The following ST3GAL3 variants were observed in gnomAD, a reference collection of about 807,000 sequenced individuals.
ST3GAL3 encodes the protein CMP-N-acetylneuraminate-beta-1,4-galactoside alpha-2,3-sialyltransferase.
In ST3GAL3, 21 loss-of-function variants were observed where a neutral mutation model predicts 50.1. The ratio of observed to expected loss-of-function variants is 0.42; its 90% CI spans 0.30 to 0.60. The LOEUF (loss-of-function observed/expected upper bound fraction) is 0.60, where lower values mean the gene tolerates loss of function less well. Ranked by LOEUF, ST3GAL3 falls within the 20% of genes least tolerant of loss-of-function variation. The pLI, the probability that ST3GAL3 is intolerant of heterozygous loss-of-function variation, is 0.19. For missense variants in ST3GAL3, 353 were observed against 489.4 expected (o/e 0.72, Z 2.63); for synonymous variants, 183 against 190.0 (o/e 0.96, Z 0.30).
chr1:43,764,261 T>C (rs1691674671), intron 2 of ST3GAL3, among the ~76,000 whole-genome samples: 1 of 152,208 alleles, frequency 6.6e-6, no homozygotes, highest in Non-Finnish European at 1.5e-5. Flanking sequence ...GTCTGTGGTA[T>C]TTCTTACTTT....
At chr1:43,820,249 A>G (rs1257345864) in intron 4 of ST3GAL3, among the ~76,000 whole-genome samples, 1 of 152,216 alleles carries the variant, frequency 6.6e-6, no homozygotes, top group Non-Finnish European at 1.5e-5. Flanking sequence ...ATAACTGGCT[A>G]ACCATATGCA....
chr1:43,866,800 A>G (rs1056110659), intron 5 of ST3GAL3, among the ~76,000 whole-genome samples: 2 of 152,086 alleles, frequency 1.3e-5, no homozygotes, highest in Non-Finnish European at 2.9e-5. Flanking sequence ...AGACCTCACA[A>G]GTCACTCCAA....
At chr1:43,740,448 G>A (rs1680382435) in intron 2 of ST3GAL3, among the ~76,000 whole-genome samples, 1 of 151,852 alleles carries the variant, frequency 6.6e-6, no homozygotes, top group Non-Finnish European at 1.5e-5. Flanking sequence ...ATTTCACAAT[G>A]GTTCATTTCA....
intron 5 of ST3GAL3, among the ~76,000 whole-genome samples, chr1:43,888,073 A>T (rs1369961487): frequency 6.6e-6 from 1 of 152,176 alleles, no homozygotes; most frequent in East Asian, 1.9e-4. Flanking sequence ...ACAAGCATGC[A>T]AATCTCCAAA....
intron 5 of ST3GAL3, among the ~76,000 whole-genome samples, chr1:43,871,333 C>T (rs1171154919): frequency 6.6e-6 from 1 of 152,152 alleles, no homozygotes; most frequent in East Asian, 1.9e-4. Context: ...AGGAATACAG[C>T]CAGGCAATGT....
intron 3 of ST3GAL3, among the ~76,000 whole-genome samples, chr1:43,794,180 G>A (rs1026934621): frequency 1.3e-5 from 2 of 151,892 alleles, no homozygotes; most frequent in African/African-American, 4.8e-5. Context: ...TCAACAAAAG[G>A]CTTGTTTCCA....
chr1:43,793,578 T>C (rs1425350399), intron 3 of ST3GAL3, among the ~76,000 whole-genome samples: 4 of 152,204 alleles, frequency 2.6e-5, no homozygotes, highest in Non-Finnish European at 2.9e-5. Context: ...GAGCCCATCC[T>C]CTCTCCCTTA....
chr1:43,854,226 C>T (rs757906753), intron 5 of ST3GAL3, among the ~76,000 whole-genome samples: 4 of 152,212 alleles, frequency 2.6e-5, no homozygotes, highest in Non-Finnish European at 4.4e-5. Context: ...AGACTTGCTA[C>T]AGTTACCTTC....
chr1:43,795,184 G>C (rs1258194134), intron 3 of ST3GAL3, among the ~76,000 whole-genome samples: 1 of 152,190 alleles, frequency 6.6e-6, no homozygotes, highest in African/African-American at 2.4e-5. Context: ...CATCTCCCTT[G>C]GAGTTATAAA....
Position 43,736,236 on chromosome 1 carries a change from A to G in ST3GAL3, c.-27A>G. 6.2e-7 allele frequency: 1 copy of G among 1,614,104 alleles called. No individual in the cohort carries two copies. The highest frequency in any genetic ancestry group is 1.1e-5 in the South Asian group (1 of 91,090). ...AACTAAACTTTTTCTTTTCTAGGTC[A>G]TTTAGGAAATCGTAAATCATGTGAA... On this transcript the variant is annotated 5_prime_UTR_variant, in exon 2 of 12. Coordinates refer to ENST00000347631, the MANE Select transcript of ST3GAL3 (RefSeq NM_006279.5).
intron 9 of ST3GAL3, chr1:43,912,316 T>A (rs956105546): frequency 6.6e-6 from 1 of 152,152 alleles, no homozygotes; most frequent in African/African-American, 2.4e-5. Context: ...ATTACTGCCC[T>A]TATTTTATAG....
chr1:43,776,604 T>C (rs1422694385), intron 2 of ST3GAL3, among the ~76,000 whole-genome samples: 1 of 152,220 alleles, frequency 6.6e-6, no homozygotes, highest in East Asian at 1.9e-4. Context: ...GTGGAATTGC[T>C]GAGTCACATG....
At chr1:43,875,971 A>C (rs866097758) in intron 5 of ST3GAL3, among the ~76,000 whole-genome samples, 64 of 140,224 alleles carry the variant, frequency 4.6e-4, no homozygotes, top group South Asian at 6.9e-4. Context: ...TATTATTATT[A>C]TTATTATTAT....
rs77583934 is a variant in ST3GAL3, at chr1:43,871,126, C to A, written c.303-23257C>A. ...GGACTCAGGCCATTCCAGAAGGGAG[C>A]AGCCATGGCCCGAATGAGCAGCTGG... is the stretch of plus-strand genomic sequence containing the variant. On this transcript the variant is annotated intron_variant, in intron 5 of 11. Transcript: ENST00000347631. Among the ~76,000 whole-genome samples the A allele has an allele frequency of 4.6e-5, 7 of 152,304 alleles. No individual in the cohort carries two copies. The East Asian group carries it at 1.3e-3, about 29-fold the overall frequency.
intron 5 of ST3GAL3, among the ~76,000 whole-genome samples, chr1:43,854,596 G>A (rs2067977163): frequency 6.6e-6 from 1 of 152,096 alleles, no homozygotes; most frequent in East Asian, 1.9e-4. Flanking sequence ...AACATCATAT[G>A]TGCTGATGAC....
chr1:43,777,352 G>T (rs1697659182), intron 2 of ST3GAL3, among the ~76,000 whole-genome samples: 1 of 152,124 alleles, frequency 6.6e-6, no homozygotes, highest in Admixed American at 6.5e-5. Context: ...AAAGCTGGAG[G>T]CATCATACTA....
At chr1:43,725,611 C>T (rs1336975202) in intron 1 of ST3GAL3, among the ~76,000 whole-genome samples, 1 of 152,122 alleles carries the variant, frequency 6.6e-6, no homozygotes, top group Non-Finnish European at 1.5e-5. Flanking sequence ...TTCTGTCTCT[C>T]ATGGTTGAGT....
chr1:43,766,727 A>C (rs1480244578), intron 2 of ST3GAL3, among the ~76,000 whole-genome samples: 1 of 152,206 alleles, frequency 6.6e-6, no homozygotes, highest in African/African-American at 2.4e-5. Context: ...CTTAATGGAA[A>C]GACCTGGTGG....
At chr1:43,731,367 G>A (rs1010492896) in intron 1 of ST3GAL3, among the ~76,000 whole-genome samples, 3 of 144,476 alleles carry the variant, frequency 2.1e-5, no homozygotes, top group African/African-American at 7.7e-5. Flanking sequence ...GCGTGCCACC[G>A]CACCCAGCTA....
Sources: allele counts gnomAD v4.1 joint callset (sites outside exome capture counted in the v4.1 genomes callset), GRCh38; gene constraint gnomAD v4.1.1; transcripts MANE v1.5; gene names NCBI Gene and HGNC (gene_info 2026-07-23, HGNC 2026-07-21).